VTI1A: variants seen among roughly 807,000 people sequenced by gnomAD.
The protein encoded by VTI1A is vesicle transport through interaction with t-SNAREs homolog 1A.
In VTI1A, 22 loss-of-function variants were observed where a neutral mutation model predicts 34.9. The observed-to-expected ratio is 0.63, with a 90% CI of 0.45 to 0.90. The LOEUF (loss-of-function observed/expected upper bound fraction) is 0.90, where lower values mean the gene tolerates loss of function less well. Ranked by LOEUF, VTI1A falls within the 40% of genes least tolerant of loss-of-function variation. VTI1A has a pLI of 0.00. For missense variants in VTI1A, 268 were observed against 275.6 expected (o/e 0.97, Z 0.20); for synonymous variants, 87 against 97.3 (o/e 0.89, Z 0.62).
intron 4 of VTI1A, among the ~76,000 whole-genome samples, chr10:112,535,619 A>C (rs1425664510): frequency 6.6e-6 from 1 of 152,096 alleles, no homozygotes; most frequent in Admixed American, 6.6e-5. Context: ...TGAATCCTAC[A>C]TCTCCAGCTC....
chr10:112,610,931 A>G (rs574173445), intron 5 of VTI1A, among the ~76,000 whole-genome samples: 1 of 152,332 alleles, frequency 6.6e-6, no homozygotes, highest in African/African-American at 2.4e-5. Context: ...AAAAAAAAAA[A>G]AAGTATTACA....
At chr10:112,449,740 C>T (rs1352271603) in intron 1 of VTI1A, 3 of 151,794 alleles carry the variant, frequency 2.0e-5, no homozygotes, top group Non-Finnish European at 2.9e-5. Flanking sequence ...GCGACAAGAG[C>T]GAAACTGTCT....
Position 112,771,518 on chromosome 10 carries a change from G to C in VTI1A, c.561-43772G>C, listed in dbSNP as rs750620969. On this transcript the variant is annotated intron_variant, in intron 7 of 7. Coordinates refer to ENST00000393077, the MANE Select transcript of VTI1A (RefSeq NM_145206.4). ...TAGTTTGGTGGTTTCAGGGAGTTTG[G>C]GGGTACTTTTTTTCAGTAACTGCTT... is the stretch of plus-strand genomic sequence containing the variant. 7.6e-4 allele frequency among the ~76,000 whole-genome samples: 115 copies of C among 152,254 alleles called. 1 individual carries two copies. Among genetic ancestry groups the C allele is most frequent in the Non-Finnish European group, 3.1e-4 (21 of 68,016 alleles).
intron 7 of VTI1A, among the ~76,000 whole-genome samples, chr10:112,811,823 A>T (rs1329870354): frequency 6.6e-6 from 1 of 151,444 alleles, no homozygotes; most frequent in East Asian, 1.9e-4. Context: ...GAACTGTGCC[A>T]GGTGCAGTGC....
At chr10:112,703,610 T>C (rs559198881) in intron 7 of VTI1A, among the ~76,000 whole-genome samples, 1 of 152,164 alleles carries the variant, frequency 6.6e-6, no homozygotes, top group Non-Finnish European at 1.5e-5. Flanking sequence ...GCATTATATA[T>C]AATTAATCTA....
chr10:112,731,575 C>CA (rs34452346), intron 7 of VTI1A, among the ~76,000 whole-genome samples: 1,317 of 116,822 alleles, frequency 0.011, 11 homozygotes, highest in Middle Eastern at 0.021. Context: ...AACTCCATCT[C>CA]AAAAAAAAAA....
chr10:112,688,102 C>T (rs1002058316), intron 7 of VTI1A, among the ~76,000 whole-genome samples: 5 of 151,008 alleles, frequency 3.3e-5, no homozygotes, highest in South Asian at 2.1e-4. Flanking sequence ...TACAGATGTG[C>T]GCCACCATGC....
chr10:112,770,761 G>A (rs1851791605), intron 7 of VTI1A, among the ~76,000 whole-genome samples: 1 of 151,908 alleles, frequency 6.6e-6, no homozygotes, highest in South Asian at 2.1e-4. Context: ...ATAACACCCT[G>A]CTTCTGCCAT....
At chr10:112,762,890 C>G (rs1851517750) in intron 7 of VTI1A, among the ~76,000 whole-genome samples, 1 of 152,164 alleles carries the variant, frequency 6.6e-6, no homozygotes, top group East Asian at 1.9e-4. Flanking sequence ...ACATTTAAAT[C>G]TCACGGATCC....
At chr10:112,531,122 C>T (rs567078973) in intron 4 of VTI1A, among the ~76,000 whole-genome samples, 8 of 151,460 alleles carry the variant, frequency 5.3e-5, no homozygotes, top group South Asian at 2.1e-4. Context: ...CGTGCGCGCG[C>T]GCGCATGAAC....
At chr10:112,796,026 G>A (rs1391258340) in intron 7 of VTI1A, among the ~76,000 whole-genome samples, 1 of 152,064 alleles carries the variant, frequency 6.6e-6, no homozygotes, top group Non-Finnish European at 1.5e-5. Context: ...CAGTCGTTAA[G>A]CCTTGTGTTC....
intron 7 of VTI1A, among the ~76,000 whole-genome samples, chr10:112,684,486 T>C (rs1041480803): frequency 6.8e-6 from 1 of 146,738 alleles, no homozygotes; most frequent in Non-Finnish European, 1.5e-5. Context: ...TCACCCAGGC[T>C]GCAGTACAGT....
At chr10:112,576,023 T>TC (rs200081164) in intron 5 of VTI1A, among the ~76,000 whole-genome samples, 6,081 of 138,326 alleles carry the variant, frequency 0.044, 213 homozygotes, top group African/African-American at 0.12. Context: ...TCTTTTCTTT[T>TC]TTTTTTTTTT....
chr10:112,616,963 C>A (rs1371436440), intron 5 of VTI1A, among the ~76,000 whole-genome samples: 1 of 152,154 alleles, frequency 6.6e-6, no homozygotes, highest in Non-Finnish European at 1.5e-5. Context: ...TCCAGAATGA[C>A]AAGTTAGAGG....
chr10:112,525,317 G>A (rs1024228728), intron 3 of VTI1A, among the ~76,000 whole-genome samples: 8 of 152,164 alleles, frequency 5.3e-5, no homozygotes, highest in African/African-American at 1.2e-4. Context: ...TTTGTGCAGC[G>A]AAATGGGGTT....
intron 7 of VTI1A, among the ~76,000 whole-genome samples, chr10:112,738,853 A>G (rs1850590871): frequency 6.6e-6 from 1 of 152,104 alleles, no homozygotes; most frequent in African/African-American, 2.4e-5. Flanking sequence ...CCCTCATGGA[A>G]GAGAAATGCT....
intron 5 of VTI1A, among the ~76,000 whole-genome samples, chr10:112,601,104 A>G (rs1321217712): frequency 6.6e-6 from 1 of 152,190 alleles, no homozygotes; most frequent in Non-Finnish European, 1.5e-5. Context: ...AGTTGCTAGC[A>G]TTAGGGAAAC....
At chr10:112,663,992 G>T (rs527245725) in intron 5 of VTI1A, among the ~76,000 whole-genome samples, 7 of 152,328 alleles carry the variant, frequency 4.6e-5, no homozygotes, top group African/African-American at 1.7e-4. Context: ...TTGTGTAACT[G>T]TGAATGTCTT....
intron 5 of VTI1A, among the ~76,000 whole-genome samples, chr10:112,664,397 A>G (rs867858512): frequency 6.6e-6 from 1 of 152,058 alleles, no homozygotes; most frequent in South Asian, 2.1e-4. Context: ...ATTTTTTTTA[A>G]AAAAAAGAGT....
Sources: gnomAD v4.1 joint callset for allele counts (sites outside exome capture counted in the v4.1 genomes callset) on GRCh38, gnomAD v4.1.1 for gene constraint, MANE v1.5 for transcripts, NCBI Gene and HGNC (gene_info 2026-07-23, HGNC 2026-07-21) for gene names.